GOLGA4: variants seen among roughly 807,000 people sequenced by gnomAD.
The protein encoded by GOLGA4 is golgin subfamily A member 4.
A neutral mutation model predicts 265.9 loss-of-function variants in GOLGA4; 169 were observed. That is an observed-to-expected ratio of 0.64 (90% CI 0.56 to 0.72). The LOEUF (loss-of-function observed/expected upper bound fraction) is 0.72, where lower values mean the gene tolerates loss of function less well. Among genes scored for constraint, GOLGA4 ranks in the 30% least tolerant of loss-of-function variants. GOLGA4 has a pLI of 0.00. For synonymous variants in GOLGA4, 923 were observed against 855.8 expected, an observed-to-expected ratio of 1.08 and a Z score of -1.37; for missense variants, 2,482 against 2,483.4, an observed-to-expected ratio of 1.00 and a Z score of 0.01.
At chr3:37,314,912 C>A (rs914094533) in intron 10 of GOLGA4, among the ~76,000 whole-genome samples, 1 of 152,070 alleles carries the variant, frequency 6.6e-6, no homozygotes, top group Non-Finnish European at 1.5e-5. Flanking sequence ...AAACAAAAAT[C>A]TCTGCTCTTT....
At chr3:37,359,896 AC>A (rs1164685404) in intron 22 of GOLGA4, among the ~76,000 whole-genome samples, 1 of 152,184 alleles carries the variant, frequency 6.6e-6, no homozygotes, top group African/African-American at 2.4e-5. Flanking sequence ...AAAATATTGC[AC>A]ATGTCAAATA....
Position 37,325,849 on chromosome 3 carries a change from A to G in GOLGA4, c.3963A>G (p.Glu1321=). 1 of 1,613,552 alleles carries G rather than the reference A, an allele frequency of 6.2e-7. No individual in the cohort carries two copies. The highest frequency in any genetic ancestry group is 8.5e-7 in the Non-Finnish European group (1 of 1,179,602). The stretch of plus-strand genomic sequence containing the variant: ...TTGAAAGTCTTGTAACAGAAAAAGA[A>G]GCCTTACAGAAGGAAGGAGGCAATC... ...ADIESLVTEK[E]ALQKEGGNQQ... Residue 1321 remains glutamate (E), a synonymous_variant, in exon 14 of 24, where the codon GAA becomes GAG. Transcript: ENST00000361924.
At chr3:37,258,998 G>A (rs1010267362) in intron 2 of GOLGA4, among the ~76,000 whole-genome samples, 10 of 151,978 alleles carry the variant, frequency 6.6e-5, no homozygotes, top group African/African-American at 1.9e-4. Flanking sequence ...CCCATGAAAC[G>A]AGTTGGGAAG....
chr3:37,276,036 A>T (rs925086109), intron 2 of GOLGA4: 50 of 1,612,788 alleles, frequency 3.1e-5, no homozygotes, highest in Non-Finnish European at 4.1e-5. Context: ...AATGTAAGCA[A>T]CAGAAAGGAT....
chr3:37,279,502 G>A (rs1021414691), intron 2 of GOLGA4, among the ~76,000 whole-genome samples: 3 of 152,238 alleles, frequency 2.0e-5, no homozygotes, highest in African/African-American at 7.2e-5. Flanking sequence ...GGCGCCAAGG[G>A]CAGGTTCCCC....
In GOLGA4 at chr3:37,295,725, T is replaced by G. The variant is rs78756473; in HGVS notation, c.682-362T>G. Among the ~76,000 whole-genome samples the G allele has an allele frequency of 5.6e-3, 847 of 152,352 alleles. 10 individuals are homozygous for G. Among genetic ancestry groups the G allele is most frequent in the Non-Finnish European group, 7.2e-3 (492 of 68,026 alleles). On this transcript the variant is annotated intron_variant, in intron 6 of 23. Transcript: ENST00000361924. Reference sequence around the variant, plus strand: ...ATAAGCCATCCACATTGATGTGTTTTTGTATGTGTGGATTCAACCAACTGG... The same window carrying G: ...ATAAGCCATCCACATTGATGTGTTTGTGTATGTGTGGATTCAACCAACTGG...
chr3:37,342,927 TCTCG>T (rs2097041793), intron 20 of GOLGA4, among the ~76,000 whole-genome samples: 1 of 152,198 alleles, frequency 6.6e-6, no homozygotes, highest in African/African-American at 2.4e-5. Flanking sequence ...TGAGATGAAG[TCTCG>T]CTCTGTTGCC....
intron 2 of GOLGA4, among the ~76,000 whole-genome samples, chr3:37,257,995 A>G (rs1305816538): frequency 9.3e-5 from 8 of 86,302 alleles, no homozygotes; most frequent in Non-Finnish European, 1.7e-4. Flanking sequence ...GTATGTATAT[A>G]TGTATATATA....
At chr3:37,313,104 G>A (rs1482639448) in intron 10 of GOLGA4, among the ~76,000 whole-genome samples, 1 of 152,238 alleles carries the variant, frequency 6.6e-6, no homozygotes, top group East Asian at 1.9e-4. Flanking sequence ...TCTGGAGGCC[G>A]AGGCAGGATA....
Position 37,249,422 on chromosome 3 carries a change from C to CT in GOLGA4, c.73-1963dup, listed in dbSNP as rs577150558. Among the ~76,000 whole-genome samples, 138 of 148,686 alleles carry CT rather than the reference C, an allele frequency of 9.3e-4. 3 individuals are homozygous for CT. In the East Asian group the frequency reaches 0.022, roughly 24 times the overall value. On this transcript the variant is annotated intron_variant, in intron 1 of 23. Transcript: ENST00000361924. ...ATTGATTGATTTTCTTGTTTATATG[C>CT]TTTTTTTTTTGAGACGGAGTCTTGC...
intron 2 of GOLGA4, among the ~76,000 whole-genome samples, chr3:37,280,823 C>A (rs577181265): frequency 2.0e-5 from 3 of 152,110 alleles, no homozygotes; most frequent in Non-Finnish European, 4.4e-5. Context: ...CTCTTTTAAA[C>A]CACCTGTGAT....
rs762171548 is a variant in GOLGA4 at position 37,326,712 on chromosome 3, A to G, written c.4826A>G (p.Glu1609Gly). Residue 1609 changes from glutamate to glycine, a missense_variant, in exon 14 of 24, where the codon GAA becomes GGA. Around this residue, in one of 3 missense-constraint regions of GOLGA4, gnomAD observed 942 missense variants for 983.1 expected, o/e 0.96. Coordinates refer to ENST00000361924, the MANE Select transcript of GOLGA4 (RefSeq NM_002078.5). Reference sequence around the variant, plus strand: ...CTTGAAACTAAGAAGAAAGAATTAGAACATGTGAATTTAAGTGTGAAAAGC... The same window carrying G: ...CTTGAAACTAAGAAGAAAGAATTAGGACATGTGAATTTAAGTGTGAAAAGC... The part of the protein sequence containing the change: ...AELETKKKEL[E>G]HVNLSVKSKE... 1 of 1,613,488 alleles carries G rather than the reference A, an allele frequency of 6.2e-7. No homozygotes were observed. Among genetic ancestry groups the G allele is most frequent in the African/African-American group, 1.3e-5 (1 of 74,890 alleles).
chr3:37,273,479 T>C (rs2096804440), intron 2 of GOLGA4: 3 of 935,290 alleles, frequency 3.2e-6, no homozygotes, highest in Non-Finnish European at 5.0e-6. Flanking sequence ...TTCTTAACAG[T>C]TTTAAACCTT....
intron 2 of GOLGA4, among the ~76,000 whole-genome samples, chr3:37,261,033 G>C (rs891153575): frequency 1.3e-5 from 2 of 151,696 alleles, no homozygotes; most frequent in Non-Finnish European, 2.9e-5. Context: ...AGCCAGGTGT[G>C]GTGGTGTGCA....
In GOLGA4 at chr3:37,362,780, C is replaced by CTTTTTTTTTTTT; in HGVS notation, c.*33+1484_*33+1495dup. Among the ~76,000 whole-genome samples, 180 of 75,452 alleles carry CTTTTTTTTTTTT rather than the reference C, an allele frequency of 2.4e-3. 24 individuals are homozygous for CTTTTTTTTTTTT. Among genetic ancestry groups the CTTTTTTTTTTTT allele is most frequent in the African/African-American group, 8.1e-3 (157 of 19,478 alleles). The allele number at this position is 75,452 out of a possible 152,430, so 49.5% of individuals were successfully genotyped here. A position where few individuals can be genotyped will look rare whatever the true frequency, so the allele number is the denominator to read the frequency against. On this transcript the variant is annotated intron_variant, in intron 23 of 23. Transcript: ENST00000361924. ...CGATCTTCCTACCTCAGCCTCTAAGCTTTTTTTTTTTTTTTTTTTTGAGAC... is the reference window on the plus strand; with the variant it reads ...CGATCTTCCTACCTCAGCCTCTAAGCTTTTTTTTTTTTTTTTTTTTTTTTTTTTTTTTGAGAC...
intron 19 of GOLGA4, among the ~76,000 whole-genome samples, chr3:37,339,602 G>A (rs984992832): frequency 4.9e-4 from 74 of 152,156 alleles, no homozygotes; most frequent in African/African-American, 1.8e-3. Context: ...GTGATACCTC[G>A]TTGTGGTTTT....
chr3:37,334,672 T>C (rs909277252), intron 16 of GOLGA4, among the ~76,000 whole-genome samples: 2 of 152,206 alleles, frequency 1.3e-5, no homozygotes, highest in Non-Finnish European at 2.9e-5. Flanking sequence ...AGGATACGTA[T>C]TGTAGTTCTA....
At chr3:37,318,573 A>G (rs1374195049) in intron 11 of GOLGA4, among the ~76,000 whole-genome samples, 1 of 151,430 alleles carries the variant, frequency 6.6e-6, no homozygotes, top group Non-Finnish European at 1.5e-5. Context: ...TTTTTTTAAT[A>G]TATATTAACT....
chr3:37,280,024 CAGTGTAG>C (rs2096830575), intron 2 of GOLGA4, among the ~76,000 whole-genome samples: 1 of 152,156 alleles, frequency 6.6e-6, no homozygotes, highest in African/African-American at 2.4e-5. Flanking sequence ...AAAGAAAATA[CAGTGTAG>C]AGTAACCGTT....
Sources: gnomAD v4.1 joint callset for allele counts (sites outside exome capture counted in the v4.1 genomes callset) on GRCh38, gnomAD v4.1.1 for gene constraint, gnomAD v4.1.1 regional missense constraint, MANE v1.5 for transcripts, NCBI Gene and HGNC (gene_info 2026-07-23, HGNC 2026-07-21) for gene names.